Variants in PTPRJ observed in about 807,000 individuals in gnomAD.
PTPRJ encodes the protein receptor-type tyrosine-protein phosphatase eta.
In PTPRJ, 129 loss-of-function variants were observed where a neutral mutation model predicts 141.3. The observed-to-expected ratio is 0.91, with a 90% CI of 0.79 to 1.06. PTPRJ has a LOEUF of 1.06. Ranked by LOEUF, PTPRJ falls within the 50% of genes least tolerant of loss-of-function variation. The pLI is 0.00. For missense variants in PTPRJ, 1,601 were observed against 1,679.7 expected (o/e 0.95, Z 0.82); for synonymous variants, 610 against 640.5 (o/e 0.95, Z 0.72).
intron 1 of PTPRJ, among the ~76,000 whole-genome samples, chr11:48,066,839 GC>G (rs925201189): frequency 3.9e-5 from 6 of 152,074 alleles, no homozygotes; most frequent in African/African-American, 1.2e-4. Context: ...GCCTGCCTCG[GC>G]CTCCCAAAGT....
chr11:48,147,766 C>T (rs1173799220), intron 15 of PTPRJ, among the ~76,000 whole-genome samples: 3 of 152,156 alleles, frequency 2.0e-5, no homozygotes, highest in African/African-American at 4.8e-5. Context: ...GGTCCTCATG[C>T]GGCCCAGGCC....
At chr11:48,132,310 A>T in intron 8 of PTPRJ, 1 of 982,364 alleles carries the variant, frequency 1.0e-6, no homozygotes, top group Non-Finnish European at 1.2e-6. Flanking sequence ...CTGCGGCAGG[A>T]GGATTGCTTG....
intron 1 of PTPRJ, among the ~76,000 whole-genome samples, chr11:48,103,034 TC>T (rs1856189190): frequency 6.6e-6 from 1 of 152,164 alleles, no homozygotes; most frequent in African/African-American, 2.4e-5. Context: ...CTCCATAAAG[TC>T]AAAGGGTAGG....
intron 1 of PTPRJ, among the ~76,000 whole-genome samples, chr11:47,984,838 C>T (rs1206450883): frequency 6.6e-6 from 1 of 150,872 alleles, no homozygotes; most frequent in Non-Finnish European, 1.5e-5. Context: ...GGATTATAGG[C>T]GTGAGCCACT....
intron 1 of PTPRJ, among the ~76,000 whole-genome samples, chr11:48,079,510 T>G (rs754215002): frequency 6.6e-6 from 1 of 152,036 alleles, no homozygotes; most frequent in Non-Finnish European, 1.5e-5. Flanking sequence ...GCAGTTTTTA[T>G]GGAGGGACAG....
At chr11:48,070,360 G>T (rs2134271787) in intron 1 of PTPRJ, among the ~76,000 whole-genome samples, 1 of 152,262 alleles carries the variant, frequency 6.6e-6, no homozygotes, top group East Asian at 1.9e-4. Flanking sequence ...AAATTAGCCA[G>T]GTGTGGTGGT....
chr11:48,053,137 A>C (rs1487637807), intron 1 of PTPRJ, among the ~76,000 whole-genome samples: 3 of 117,860 alleles, frequency 2.5e-5, no homozygotes, highest in Non-Finnish European at 4.9e-5. Context: ...TAAATATATA[A>C]ATATATAAAA....
intron 19 of PTPRJ, among the ~76,000 whole-genome samples, chr11:48,154,562 G>C (rs1023000652): frequency 2.6e-5 from 4 of 152,224 alleles, no homozygotes; most frequent in Admixed American, 1.3e-4. Flanking sequence ...AGGGCACAGA[G>C]AGGAGCATAA....
intron 18 of PTPRJ, among the ~76,000 whole-genome samples, chr11:48,151,518 A>C (rs1033580175): frequency 5.3e-5 from 8 of 151,118 alleles, no homozygotes; most frequent in Non-Finnish European, 1.2e-4. Context: ...GGTTTGTTAC[A>C]TATGTGTACA....
intron 19 of PTPRJ, 87 bp downstream of exon 19, chr11:48,153,973 C>G: frequency 1.1e-6 from 1 of 902,702 alleles, no homozygotes; most frequent in Non-Finnish European, 1.8e-6. Flanking sequence ...ATCAGTGATC[C>G]TAAGTAACCA....
At chr11:48,094,809 C>T (rs183584641) in intron 1 of PTPRJ, among the ~76,000 whole-genome samples, 27 of 152,270 alleles carry the variant, frequency 1.8e-4, no homozygotes, top group Admixed American at 1.8e-3. Context: ...TTTGGGTCAA[C>T]TTCAGGGTAG....
intron 1 of PTPRJ, among the ~76,000 whole-genome samples, chr11:48,082,415 T>TTC (rs1555042815): frequency 1.5e-5 from 2 of 130,650 alleles, no homozygotes; most frequent in Non-Finnish European, 3.5e-5. Flanking sequence ...GGCAAATTTT[T>TTC]TTTTTTTTTT....
intron 7 of PTPRJ, among the ~76,000 whole-genome samples, chr11:48,129,044 G>A (rs1856907518): frequency 6.6e-6 from 1 of 152,192 alleles, no homozygotes; most frequent in African/African-American, 2.4e-5. Flanking sequence ...CAAGACAGGG[G>A]TTTATTTCTC....
intron 1 of PTPRJ, among the ~76,000 whole-genome samples, chr11:48,011,337 G>A (rs1854778309): frequency 6.6e-6 from 1 of 152,156 alleles, no homozygotes; most frequent in Non-Finnish European, 1.5e-5. Flanking sequence ...AGCTGGACTT[G>A]GAGGCAGGAG....
intron 1 of PTPRJ, among the ~76,000 whole-genome samples, chr11:48,013,561 G>T (rs1423996423): frequency 1.2e-4 from 18 of 152,210 alleles, no homozygotes; most frequent in Admixed American, 1.2e-3. Context: ...CTTCTCATGG[G>T]GGAATGGGTG....
intron 1 of PTPRJ, among the ~76,000 whole-genome samples, chr11:48,018,990 T>G (rs1855028861): frequency 6.6e-6 from 1 of 151,938 alleles, no homozygotes; most frequent in South Asian, 2.1e-4. Flanking sequence ...TTTCTTCTTG[T>G]GTATGTGTGC....
intron 1 of PTPRJ, among the ~76,000 whole-genome samples, chr11:48,029,166 C>T (rs1326430849): frequency 6.6e-6 from 1 of 152,148 alleles, no homozygotes; most frequent in Non-Finnish European, 1.5e-5. Flanking sequence ...CCTCATTCGG[C>T]GTTGATACCC....
At chr11:48,131,361 G>C (rs774709084) in intron 8 of PTPRJ, 14 of 589,602 alleles carry the variant, frequency 2.4e-5, no homozygotes, top group Admixed American at 5.7e-5. Context: ...TGGATTACAG[G>C]TGTGCGCCAC....
At chr11:48,046,789 G>T (rs1430436229) in intron 1 of PTPRJ, among the ~76,000 whole-genome samples, 1 of 151,172 alleles carries the variant, frequency 6.6e-6, no homozygotes, top group African/African-American at 2.4e-5. Context: ...AGAGAGGCTG[G>T]GTAACTTATC....
Sources: gnomAD v4.1 joint callset for allele counts (sites outside exome capture counted in the v4.1 genomes callset) on GRCh38, gnomAD v4.1.1 for gene constraint, MANE v1.5 for transcripts, NCBI Gene and HGNC (gene_info 2026-07-23, HGNC 2026-07-21) for gene names.